The following CSMD1 variants were observed in gnomAD, a reference collection of about 807,000 sequenced individuals.
The protein encoded by CSMD1 is CUB and Sushi multiple domains 1.
In CSMD1, 213 loss-of-function variants were observed where a neutral mutation model predicts 417.5. The ratio of observed to expected loss-of-function variants is 0.51; its 90% confidence interval spans 0.46 to 0.57. CSMD1 has a LOEUF of 0.57. CSMD1 is among the 20% of genes least tolerant of loss of function. The pLI is 0.00. For missense variants in CSMD1, 6,923 were observed against 4,529.7 expected (o/e 1.53, Z -15.17); for synonymous variants, 2,862 against 1,736.8 (o/e 1.65, Z -16.11).
intron 25 of CSMD1, among the ~76,000 whole-genome samples, chr8:3,292,349 G>A (rs1426215653): frequency 6.6e-6 from 1 of 152,068 alleles, no homozygotes; most frequent in Non-Finnish European, 1.5e-5. Context: ...AGGTCCGCTT[G>A]GTGCAGAGCT....
At chr8:4,588,257 T>G (rs181488552) in intron 2 of CSMD1, among the ~76,000 whole-genome samples, 2 of 151,992 alleles carry the variant, frequency 1.3e-5, no homozygotes, top group Non-Finnish European at 2.9e-5. Flanking sequence ...CAGAAGACAG[T>G]AACTTTTAGG....
At chr8:3,790,269 A>G (rs1344134287) in intron 5 of CSMD1, among the ~76,000 whole-genome samples, 1 of 152,218 alleles carries the variant, frequency 6.6e-6, no homozygotes. Context: ...CTGAAACGAA[A>G]TAACAGAAAA....
chr8:3,439,850 A>C (rs1305922118), intron 12 of CSMD1, among the ~76,000 whole-genome samples: 4 of 152,170 alleles, frequency 2.6e-5, no homozygotes, highest in Non-Finnish European at 5.9e-5. Flanking sequence ...TGAGATTCAC[A>C]TGGAGGCACA....
Position 4,316,229 on chromosome 8 carries a change from T to C in CSMD1, c.415+103724A>G, listed in dbSNP as rs191166247. Among the ~76,000 whole-genome samples, 133 of 152,322 alleles carry C rather than the reference T, an allele frequency of 8.7e-4. 1 individual carries two copies. Among genetic ancestry groups the C allele is most frequent in the Admixed American group, 1.8e-3 (27 of 15,284 alleles). On this transcript the variant is annotated intron_variant, in intron 3 of 69. Coordinates refer to ENST00000635120, the MANE Select transcript of CSMD1 (RefSeq NM_033225.6). The stretch of plus-strand genomic sequence containing the variant: ...ATTCTAAAATTTTATGATTTTCTAA[T>C]GGTCTTCCATTTGTAGTGATTTTTC...
intron 2 of CSMD1, among the ~76,000 whole-genome samples, chr8:4,531,719 G>T (rs923087409): frequency 6.6e-6 from 1 of 152,150 alleles, no homozygotes; most frequent in Non-Finnish European, 1.5e-5. Context: ...ACAGCTTTGA[G>T]ATACAATTCC....
At chr8:4,542,842 A>T (rs1203131609) in intron 2 of CSMD1, among the ~76,000 whole-genome samples, 1 of 152,194 alleles carries the variant, frequency 6.6e-6, no homozygotes, top group Non-Finnish European at 1.5e-5. Context: ...GTAAATAAAG[A>T]AAAAAGTTTT....
intron 49 of CSMD1, among the ~76,000 whole-genome samples, chr8:3,086,882 G>A (rs948224764): frequency 6.6e-6 from 1 of 152,192 alleles, no homozygotes; most frequent in Admixed American, 6.5e-5. Context: ...CCAGGATCTA[G>A]TGAATGTCCA....
intron 18 of CSMD1, among the ~76,000 whole-genome samples, chr8:3,385,657 G>A (rs532843695): frequency 1.4e-4 from 22 of 151,948 alleles, no homozygotes; most frequent in East Asian, 5.8e-4. Context: ...CTTATATGAC[G>A]GTTCTCTGTA....
intron 2 of CSMD1, among the ~76,000 whole-genome samples, chr8:4,580,694 A>C (rs1194289905): frequency 6.6e-6 from 1 of 152,138 alleles, no homozygotes; most frequent in African/African-American, 2.4e-5. Context: ...TCCAAGGTAA[A>C]TGCGACAACA....
chr8:3,810,941 G>C (rs747229659), intron 5 of CSMD1, among the ~76,000 whole-genome samples: 1 of 152,130 alleles, frequency 6.6e-6, no homozygotes, highest in African/African-American at 2.4e-5. Context: ...CTTTGAAATG[G>C]GGATAATAAC....
chr8:4,756,934 TG>T (rs1235955165), intron 1 of CSMD1, among the ~76,000 whole-genome samples: 1 of 152,250 alleles, frequency 6.6e-6, no homozygotes, highest in Non-Finnish European at 1.5e-5. Context: ...GAAAGCTGAA[TG>T]TTTTTAAAAG....
intron 3 of CSMD1, among the ~76,000 whole-genome samples, chr8:4,338,854 G>C (rs1248942580): frequency 1.3e-5 from 2 of 152,010 alleles, no homozygotes; most frequent in Non-Finnish European, 2.9e-5. Context: ...CTTTTTGAAA[G>C]AAGAAATTAT....
At chr8:3,401,668 A>C (rs1200746970) in intron 15 of CSMD1, among the ~76,000 whole-genome samples, 1 of 152,172 alleles carries the variant, frequency 6.6e-6, no homozygotes, top group Non-Finnish European at 1.5e-5. Flanking sequence ...GGTCTGTGAG[A>C]CACAGGTCCC....
chr8:4,272,126 G>A (rs1429284167), intron 3 of CSMD1, among the ~76,000 whole-genome samples: 1 of 152,012 alleles, frequency 6.6e-6, no homozygotes, highest in East Asian at 1.9e-4. Flanking sequence ...TGTGTGTGTG[G>A]CTGGACACAT....
At chr8:4,143,653 G>T (rs532755484) in intron 3 of CSMD1, among the ~76,000 whole-genome samples, 1 of 151,134 alleles carries the variant, frequency 6.6e-6, no homozygotes, top group Non-Finnish European at 1.5e-5. Flanking sequence ...AGCATTGACT[G>T]TGAGTTCTCC....
chr8:3,904,275 A>G (rs775965623), intron 5 of CSMD1, among the ~76,000 whole-genome samples: 4 of 152,204 alleles, frequency 2.6e-5, no homozygotes, highest in Non-Finnish European at 4.4e-5. Flanking sequence ...CAAACAAATC[A>G]TAGGTTCTTC....
intron 10 of CSMD1, among the ~76,000 whole-genome samples, chr8:3,564,385 T>C (rs936408585): frequency 6.6e-6 from 1 of 152,206 alleles, no homozygotes; most frequent in East Asian, 1.9e-4. Context: ...TAGACATTCA[T>C]TCACTCACAC....
chr8:4,895,279 T>C (rs1454869626), intron 1 of CSMD1, among the ~76,000 whole-genome samples: 1 of 152,160 alleles, frequency 6.6e-6, no homozygotes, highest in Admixed American at 6.5e-5. Flanking sequence ...GTGTTACGAT[T>C]ATGAAAATGG....
chr8:4,722,298 G>C (rs1809109622), intron 1 of CSMD1, among the ~76,000 whole-genome samples: 1 of 151,794 alleles, frequency 6.6e-6, no homozygotes, highest in Non-Finnish European at 1.5e-5. Flanking sequence ...GCAAGAAAGA[G>C]AAAAAAATTG....
Sources: allele counts gnomAD v4.1 joint callset (sites outside exome capture counted in the v4.1 genomes callset), GRCh38; gene constraint gnomAD v4.1.1; transcripts MANE v1.5; gene names NCBI Gene and HGNC (gene_info 2026-07-23, HGNC 2026-07-21).